FARS2: variants seen among roughly 807,000 people sequenced by gnomAD.
FARS2 encodes phenylalanyl-tRNA synthetase 2, mitochondrial, also known as phenylalanine--tRNA ligase, mitochondrial.
FARS2 carries 40 observed loss-of-function variants against 46.4 expected under a neutral mutation model. The observed-to-expected ratio is 0.86, with a 90% CI of 0.67 to 1.12. The LOEUF (loss-of-function observed/expected upper bound fraction) is 1.12. Ranked by LOEUF, FARS2 falls within the 50% of genes most tolerant of loss-of-function variation. The probability of loss-of-function intolerance (pLI) is 0.00; values close to 1 mark genes in which losing one functional copy is unlikely to be tolerated. For synonymous variants in FARS2, 234 were observed against 214.9 expected, an observed-to-expected ratio of 1.09 and a Z score of -0.78; for missense variants, 513 against 567.9, an observed-to-expected ratio of 0.90 and a Z score of 0.98.
intron 4 of FARS2, among the ~76,000 whole-genome samples, chr6:5,451,235 G>C (rs1764473807): frequency 6.6e-6 from 1 of 151,708 alleles, no homozygotes; most frequent in Non-Finnish European, 1.5e-5. Flanking sequence ...TTCAAATGTT[G>C]ACTTCTAAGG....
intron 5 of FARS2, among the ~76,000 whole-genome samples, chr6:5,580,727 G>A (rs558696794): frequency 2.4e-4 from 37 of 152,256 alleles, no homozygotes; most frequent in Admixed American, 2.1e-3. Flanking sequence ...TCTGGACGCC[G>A]CCATTCCTGA....
At chr6:5,561,009 T>C (rs989461019) in intron 5 of FARS2, among the ~76,000 whole-genome samples, 1 of 152,118 alleles carries the variant, frequency 6.6e-6, no homozygotes, top group Non-Finnish European at 1.5e-5. Flanking sequence ...CTCATGCCTG[T>C]AATCCCAGCT....
intron 6 of FARS2, among the ~76,000 whole-genome samples, chr6:5,719,899 A>AGT (rs1359172399): frequency 1.3e-5 from 2 of 152,226 alleles, no homozygotes; most frequent in Non-Finnish European, 2.9e-5. Flanking sequence ...GCTTCCGTTT[A>AGT]GTGTGACACA....
intron 6 of FARS2, among the ~76,000 whole-genome samples, chr6:5,720,682 G>T (rs1759832950): frequency 6.6e-6 from 1 of 152,136 alleles, no homozygotes. Flanking sequence ...GGACCCCAGA[G>T]AGTTTTTGTT....
At chr6:5,502,906 G>GT (rs1210495234) in intron 4 of FARS2, among the ~76,000 whole-genome samples, 2 of 151,320 alleles carry the variant, frequency 1.3e-5, no homozygotes, top group Non-Finnish European at 3.0e-5. Context: ...ATTTTTTTTT[G>GT]TTTTTTTCCA....
chr6:5,516,473 C>A (rs1282424268), intron 4 of FARS2, among the ~76,000 whole-genome samples: 3 of 152,222 alleles, frequency 2.0e-5, no homozygotes, highest in Admixed American at 2.0e-4. Flanking sequence ...ATAGTTGACA[C>A]AGCCACAGAA....
At chr6:5,508,755 T>C (rs1323982480) in intron 4 of FARS2, among the ~76,000 whole-genome samples, 1 of 152,146 alleles carries the variant, frequency 6.6e-6, no homozygotes, top group African/African-American at 2.4e-5. Flanking sequence ...AGTGACAGGA[T>C]GACAGCCAGG....
chr6:5,635,453 C>T (rs770642331), intron 6 of FARS2, among the ~76,000 whole-genome samples: 9 of 152,148 alleles, frequency 5.9e-5, no homozygotes, highest in Non-Finnish European at 1.2e-4. Flanking sequence ...GAAGATGTCA[C>T]AAGCTGGGAA....
rs75941166 is a variant in FARS2, at chr6:5,264,986, G to A, written c.-22+3326G>A. On this transcript the variant is annotated intron_variant, in intron 1 of 6. Transcript: ENST00000274680. ...TTTTTAAGTGTTTTTTTTTTTTTTT[G>A]TAGAGATGAGATTTCACTATGATGT... Among the ~76,000 whole-genome samples the A allele has an allele frequency of 4.5e-3, 250 of 55,622 alleles. 2 individuals are homozygous for A. Among genetic ancestry groups the A allele is most frequent in the African/African-American group, 0.013 (243 of 18,534 alleles). The allele number at this position is 55,622 out of a possible 152,430, so 36.5% of individuals were successfully genotyped here. A position where few individuals can be genotyped will look rare whatever the true frequency, so the allele number is the denominator to read the frequency against.
At chr6:5,497,417 C>T (rs1767537237) in intron 4 of FARS2, among the ~76,000 whole-genome samples, 1 of 152,054 alleles carries the variant, frequency 6.6e-6, no homozygotes, top group Non-Finnish European at 1.5e-5. Flanking sequence ...TTTGCCAGGC[C>T]TGATGAGAAT....
chr6:5,514,090 A>ATATATG (rs1491468703), intron 4 of FARS2, among the ~76,000 whole-genome samples: 2 of 39,392 alleles, frequency 5.1e-5, no homozygotes, highest in African/African-American at 2.3e-4. Context: ...AAATCTGGAC[A>ATATATG]TATATATATA....
chr6:5,378,633 G>C (rs905365329), intron 2 of FARS2, among the ~76,000 whole-genome samples: 20 of 152,074 alleles, frequency 1.3e-4, no homozygotes, highest in Non-Finnish European at 2.6e-4. Context: ...GTGGTTATTG[G>C]GTTTCCTTAA....
chr6:5,485,413 ATACTC>A (rs1561654729), intron 4 of FARS2, among the ~76,000 whole-genome samples: 2 of 151,440 alleles, frequency 1.3e-5, no homozygotes, highest in African/African-American at 4.9e-5. Context: ...GATCCCTTAA[ATACTC>A]TAATGGGAAA....
chr6:5,512,325 G>A (rs1224668198), intron 4 of FARS2, among the ~76,000 whole-genome samples: 1 of 152,034 alleles, frequency 6.6e-6, no homozygotes, highest in Non-Finnish European at 1.5e-5. Context: ...CCATTACCTG[G>A]TGCTACCTCT....
At chr6:5,448,658 A>C (rs1764312358) in intron 4 of FARS2, among the ~76,000 whole-genome samples, 1 of 152,218 alleles carries the variant, frequency 6.6e-6, no homozygotes. Context: ...TCAGTGAATA[A>C]CTATGTACAT....
rs140655271 is a variant in FARS2 at position 5,446,774 on chromosome 6, A to G, written c.904+15602A>G. 1.5e-3 allele frequency among the ~76,000 whole-genome samples: 228 copies of G among 152,210 alleles called. 1 individual carries two copies. Among genetic ancestry groups the G allele is most frequent in the Middle Eastern group, 6.8e-3 (2 of 294 alleles). On this transcript the variant is annotated intron_variant, in intron 4 of 6. Coordinates refer to ENST00000274680, the MANE Select transcript of FARS2 (RefSeq NM_006567.5). ...TACAACATGATGTTATAAGATATAT[A>G]TATATAGTAATATGGTTACTCTAGG...
At chr6:5,253,025 C>T in the FARS2 span, among the ~76,000 whole-genome samples, 3 of 152,172 alleles carry the variant, frequency 2.0e-5, no homozygotes, top group Admixed American at 6.5e-5. Context: ...CTTTCTATGG[C>T]CTTTCCTTTG....
intron 5 of FARS2, among the ~76,000 whole-genome samples, chr6:5,571,518 G>T (rs184934945): frequency 6.6e-6 from 1 of 152,106 alleles, no homozygotes; most frequent in Non-Finnish European, 1.5e-5. Flanking sequence ...CTTCAAGTTG[G>T]CCTTTCCAGA....
chr6:5,737,173 A>T (rs1025271476), intron 6 of FARS2, among the ~76,000 whole-genome samples: 3 of 152,178 alleles, frequency 2.0e-5, no homozygotes, highest in African/African-American at 4.8e-5. Flanking sequence ...ACAGAAATAC[A>T]CTCAGAGCCA....
Sources: allele counts gnomAD v4.1 joint callset (sites outside exome capture counted in the v4.1 genomes callset), GRCh38; gene constraint gnomAD v4.1.1; transcripts MANE v1.5; gene names NCBI Gene and HGNC (gene_info 2026-07-23, HGNC 2026-07-21).